Variants in KPNA7 observed in about 807,000 individuals in gnomAD.
KPNA7 encodes the protein importin subunit alpha-8.
Under a neutral mutation model 53.7 loss-of-function variants are expected in KPNA7, and 54 were observed. The observed-to-expected ratio is 1.01, with a 90% CI of 0.81 to 1.26. The LOEUF is 1.26. KPNA7 is among the 50% of genes most tolerant of loss of function. KPNA7 has a pLI of 0.00. For synonymous variants in KPNA7, 276 were observed against 259.3 expected (o/e 1.06, Z -0.62); for missense variants, 640 against 644.5 (o/e 0.99, Z 0.07).
intron 7 of KPNA7, among the ~76,000 whole-genome samples, chr7:99,186,725 AGAGT>A (rs1789612585): frequency 1.3e-5 from 2 of 152,104 alleles, no homozygotes; most frequent in Admixed American, 6.6e-5. Flanking sequence ...CCTTGGCAAC[AGAGT>A]GAGACTTTGT....
At chr7:99,187,269 G>T (rs934587008) in intron 7 of KPNA7, among the ~76,000 whole-genome samples, 1 of 152,168 alleles carries the variant, frequency 6.6e-6, no homozygotes, top group African/African-American at 2.4e-5. Context: ...CAGCCTGGAT[G>T]ACAGAGAGAC....
the KPNA7 span, among the ~76,000 whole-genome samples, chr7:99,160,025 T>TTG: frequency 1.1e-5 from 1 of 89,344 alleles, no homozygotes; most frequent in East Asian, 4.7e-4. Flanking sequence ...TTGTTTTTTT[T>TTG]TTTTTTTTTT....
chr7:99,187,796 TTTTAAA>T (rs1244547886), intron 7 of KPNA7, among the ~76,000 whole-genome samples: 4 of 30,662 alleles, frequency 1.3e-4, no homozygotes, highest in East Asian at 1.5e-3. Flanking sequence ...CGGCCTTTTT[TTTTAAA>T]AAAAAAAAAA....
intron 3 of KPNA7, among the ~76,000 whole-genome samples, chr7:99,201,998 G>C (rs1222818889): frequency 1.3e-5 from 2 of 152,116 alleles, no homozygotes; most frequent in Non-Finnish European, 2.9e-5. Context: ...GTGAACCACT[G>C]TGCTTGGCCT....
the KPNA7 span, among the ~76,000 whole-genome samples, chr7:99,146,745 A>C: frequency 2.4e-5 from 3 of 126,212 alleles, no homozygotes; most frequent in East Asian, 4.5e-4. Flanking sequence ...AAAAAAAAAA[A>C]AAACAACGGA....
At chr7:99,211,137 T>G (rs894227579), upstream of KPNA7, among the ~76,000 whole-genome samples, 1 of 152,146 alleles carries the variant, frequency 6.6e-6, no homozygotes, top group African/African-American at 2.4e-5. Context: ...AATTTAGAGC[T>G]GGCTGGGCAC....
At chr7:99,164,632 TA>T in the KPNA7 span, among the ~76,000 whole-genome samples, 3,772 of 151,436 alleles carry the variant, frequency 0.025, 164 homozygotes, top group African/African-American at 0.089. Flanking sequence ...TTAAAGAATT[TA>T]AAAAAAAAAA....
At chr7:99,176,054 T>G (rs143733840) in intron 10 of KPNA7, among the ~76,000 whole-genome samples, 8,845 of 152,068 alleles carry the variant, frequency 0.058, 362 homozygotes, top group Non-Finnish European at 0.084. Context: ...TCCCAGCACT[T>G]TGGGAGGCCC....
At chr7:99,160,391 A>G in the KPNA7 span, among the ~76,000 whole-genome samples, 2 of 151,814 alleles carry the variant, frequency 1.3e-5, no homozygotes, top group South Asian at 4.2e-4. Flanking sequence ...GCAGCTTCCT[A>G]TTGTTTTATA....
the KPNA7 span, among the ~76,000 whole-genome samples, chr7:99,147,172 G>T: frequency 1.4e-4 from 22 of 152,182 alleles, no homozygotes; most frequent in Non-Finnish European, 7.3e-5. Flanking sequence ...CAGCATTCCA[G>T]AGGGTCAGTT....
intron 6 of KPNA7, among the ~76,000 whole-genome samples, chr7:99,190,335 C>CAAAAAAAAAAA (rs58257703): frequency 1.0e-4 from 10 of 99,372 alleles, no homozygotes; most frequent in Admixed American, 2.1e-4. Flanking sequence ...GACTCTGTCT[C>CAAAAAAAAAAA]AAAAAAAAAA....
intron 1 of KPNA7, among the ~76,000 whole-genome samples, chr7:99,214,558 G>A (rs969312258): frequency 1.4e-5 from 2 of 142,358 alleles, no homozygotes; most frequent in Non-Finnish European, 3.0e-5. Context: ...AGCCCAGGAG[G>A]TGGAGGCTGC....
the KPNA7 span, among the ~76,000 whole-genome samples, chr7:99,164,789 C>T: frequency 6.6e-6 from 1 of 152,104 alleles, no homozygotes; most frequent in Non-Finnish European, 1.5e-5. Context: ...CTGTCCCCAG[C>T]CCCTGGGTTT....
chr7:99,169,600 G>A (rs555989973), downstream of KPNA7, among the ~76,000 whole-genome samples: 3 of 152,234 alleles, frequency 2.0e-5, no homozygotes, highest in East Asian at 5.8e-4. Flanking sequence ...CTGGGCGACA[G>A]AGCATGATTC....
the KPNA7 span, among the ~76,000 whole-genome samples, chr7:99,164,837 C>A: frequency 1.3e-5 from 2 of 152,188 alleles, no homozygotes; most frequent in Admixed American, 6.5e-5. Flanking sequence ...GTGGCTCACG[C>A]CTGTAATCCC....
chr7:99,201,925 C>G (rs1281376488), intron 3 of KPNA7, among the ~76,000 whole-genome samples: 3 of 151,940 alleles, frequency 2.0e-5, no homozygotes, highest in Non-Finnish European at 4.4e-5. Flanking sequence ...CCAGGCTGGT[C>G]TCGAACTCCT....
chr7:99,166,755 G>A, the KPNA7 span, among the ~76,000 whole-genome samples: 1 of 152,054 alleles, frequency 6.6e-6, no homozygotes, highest in Non-Finnish European at 1.5e-5. Flanking sequence ...AAGTAGCTGG[G>A]ATTACAGGCA....
chr7:99,160,230 G>A, the KPNA7 span, among the ~76,000 whole-genome samples: 8,119 of 151,828 alleles, frequency 0.053, 269 homozygotes, highest in East Asian at 0.17. Context: ...GTTTCACCGT[G>A]TTAGCCAGGA....
rs1364882792 is a variant in KPNA7 at position 99,186,466 on chromosome 7, T to C, written c.901-1304A>G. Among the ~76,000 whole-genome samples, 3 of 152,092 alleles carry C rather than the reference T, an allele frequency of 2.0e-5. No individual in the cohort carries two copies. In the East Asian group the frequency reaches 5.8e-4, roughly 29 times the overall value. The stretch of plus-strand genomic sequence containing the variant: ...CCAAATAGGCCCCAGAACCCGGGGG[T>C]AAGCAACTTCTTAGAGAATTTACTT... On this transcript the variant is annotated intron_variant, in intron 7 of 10. Coordinates refer to ENST00000327442, the MANE Select transcript of KPNA7 (RefSeq NM_001145715.3).
Sources: gnomAD v4.1 joint callset for allele counts (sites outside exome capture counted in the v4.1 genomes callset) on GRCh38, gnomAD v4.1.1 for gene constraint, MANE v1.5 for transcripts, NCBI Gene and HGNC (gene_info 2026-07-23, HGNC 2026-07-21) for gene names.